RAF1: variants seen among roughly 807,000 people sequenced by gnomAD.
The protein encoded by RAF1 is Raf-1 proto-oncogene, serine/threonine kinase, also known as RAF proto-oncogene serine/threonine-protein kinase.
A neutral mutation model predicts 81.1 loss-of-function variants in RAF1; 27 were observed. That is an observed-to-expected ratio of 0.33 (90% CI 0.25 to 0.46). The LOEUF is 0.46. RAF1 is among the 20% of genes least tolerant of loss of function. The pLI is 1.00. For missense variants in RAF1, 598 were observed against 826.0 expected, an observed-to-expected ratio of 0.72 and a Z score of 3.38; for synonymous variants, 298 against 294.0, an observed-to-expected ratio of 1.01 and a Z score of -0.14.
intron 1 of RAF1, among the ~76,000 whole-genome samples, chr3:12,639,471 C>A (rs2060122582): frequency 6.6e-6 from 1 of 152,078 alleles, no homozygotes; most frequent in South Asian, 2.1e-4. Flanking sequence ...ATTTAGAAAA[C>A]CTCATCGTCT....
intron 1 of RAF1, among the ~76,000 whole-genome samples, chr3:12,647,874 A>G (rs1267381172): frequency 6.6e-6 from 1 of 152,144 alleles, no homozygotes; most frequent in Non-Finnish European, 1.5e-5. Flanking sequence ...AAGCCACTCT[A>G]CTCTTCTAAA....
At chr3:12,609,898 TTA>T (rs2059156942) in intron 3 of RAF1, among the ~76,000 whole-genome samples, 1 of 152,244 alleles carries the variant, frequency 6.6e-6, no homozygotes, top group South Asian at 2.1e-4. Flanking sequence ...GTAAAATGGA[TTA>T]TAAATATTGC....
chr3:12,594,145 A>G (rs2058614139), intron 11 of RAF1, among the ~76,000 whole-genome samples: 1 of 152,164 alleles, frequency 6.6e-6, no homozygotes, highest in Admixed American at 6.5e-5. Context: ...ATCTGCTGCA[A>G]TAGCTCAGGA....
intron 1 of RAF1, among the ~76,000 whole-genome samples, chr3:12,620,236 G>C (rs2059515484): frequency 6.6e-6 from 1 of 152,132 alleles, no homozygotes; most frequent in Non-Finnish European, 1.5e-5. Flanking sequence ...CCAGGTTCAA[G>C]CGATTCTCCT....
intron 8 of RAF1, among the ~76,000 whole-genome samples, chr3:12,601,349 A>G (rs1053011972): frequency 2.6e-5 from 4 of 152,178 alleles, no homozygotes; most frequent in Non-Finnish European, 5.9e-5. Context: ...CTTATGGGTA[A>G]ATTTGGAAAT....
At chr3:12,656,997 C>G (rs1437705302) in intron 1 of RAF1, among the ~76,000 whole-genome samples, 1 of 117,950 alleles carries the variant, frequency 8.5e-6, no homozygotes, top group East Asian at 2.1e-4. Context: ...AACTCCATCT[C>G]GGGGAAAAAA....
In RAF1 at chr3:12,585,260, GTATCACCATATGACAAAAGTGCATT is replaced by G. The variant is rs754692271; in HGVS notation, c.1597-32_1597-8del. ...TTCGGATCACCTCTGGGGCCTACAT[GTATCACCATATGACAAAAGTGCATT>G]TATCACCATATGACAGGCCTCACAG... is the stretch of plus-strand genomic sequence containing the variant. On this transcript the variant is annotated splice_region_variant and splice_polypyrimidine_tract_variant and intron_variant, in intron 15 of 17. Coordinates refer to ENST00000442415, the MANE Select transcript of RAF1 (RefSeq NM_001354689.3). 3 of 1,614,002 alleles carry G rather than the reference GTATCACCATATGACAAAAGTGCATT, an allele frequency of 1.9e-6. No homozygotes were observed. Among genetic ancestry groups the G allele is most frequent in the Non-Finnish European group, 1.7e-6 (2 of 1,180,014 alleles).
At position 12,627,613 on chromosome 3, in the gene RAF1, C is replaced by T. The variant is rs781013893; in HGVS notation, c.-26-8866G>A. 3.0e-4 allele frequency among the ~76,000 whole-genome samples: 46 copies of T among 152,072 alleles called. 1 individual carries two copies. Among genetic ancestry groups the T allele is most frequent in the Admixed American group, 2.0e-3 (30 of 15,272 alleles). On this transcript the variant is annotated intron_variant, in intron 1 of 17. Transcript: ENST00000442415. ...CTTCTCTACAACTATTTTTTCTGGTCGACATTATTTCTGAGGGTGGTAGGT... is the reference window on the plus strand; with the variant it reads ...CTTCTCTACAACTATTTTTTCTGGTTGACATTATTTCTGAGGGTGGTAGGT...
intron 5 of RAF1, 138 bp downstream of exon 5, chr3:12,608,628 T>C (rs1272112429): frequency 2.0e-6 from 2 of 1,012,978 alleles, no homozygotes; most frequent in African/African-American, 3.2e-5. Flanking sequence ...TATCACTGTT[T>C]CTAAAGTAGT....
chr3:12,619,519 C>T (rs953108114), intron 1 of RAF1, among the ~76,000 whole-genome samples: 62 of 148,940 alleles, frequency 4.2e-4, no homozygotes, highest in Admixed American at 1.6e-3. Flanking sequence ...GAGTCGATAT[C>T]GTGTCATTGC....
At chr3:12,627,021 C>CAAAA (rs34692000) in intron 1 of RAF1, among the ~76,000 whole-genome samples, 8 of 77,036 alleles carry the variant, frequency 1.0e-4, no homozygotes, top group Non-Finnish European at 1.4e-4. Flanking sequence ...GACTCTGTCT[C>CAAAA]AAAAAAAAAA....
At chr3:12,640,969 T>C (rs931335884) in intron 1 of RAF1, among the ~76,000 whole-genome samples, 1 of 152,036 alleles carries the variant, frequency 6.6e-6, no homozygotes, top group African/African-American at 2.4e-5. Context: ...AACCCAAATG[T>C]CCATCAATGA....
intron 1 of RAF1, among the ~76,000 whole-genome samples, chr3:12,652,889 C>G (rs1301157075): frequency 6.6e-6 from 1 of 150,518 alleles, no homozygotes; most frequent in Non-Finnish European, 1.5e-5. Context: ...TACAGTGAGC[C>G]AAGATTAAGC....
intron 13 of RAF1, chr3:12,588,388 T>C (rs2058397888): frequency 6.6e-6 from 1 of 152,200 alleles, no homozygotes; most frequent in African/African-American, 2.4e-5. Context: ...CAACTTGTCA[T>C]CATGCACACA....
intron 1 of RAF1, among the ~76,000 whole-genome samples, chr3:12,635,463 C>G (rs1387233687): frequency 6.6e-6 from 1 of 150,664 alleles, no homozygotes; most frequent in East Asian, 1.9e-4. Flanking sequence ...ATGGTGAAAC[C>G]CCACCTCTAC....
At chr3:12,587,509 G>C in intron 14 of RAF1, 82 bp downstream of exon 13, 1 of 1,296,572 alleles carries the variant, frequency 7.7e-7, no homozygotes, top group Non-Finnish European at 1.1e-6. Context: ...GGCACCGAGA[G>C]CCACTTGTGA....
At chr3:12,633,235 C>T (rs2125503395) in intron 1 of RAF1, among the ~76,000 whole-genome samples, 1 of 152,166 alleles carries the variant, frequency 6.6e-6, no homozygotes, top group East Asian at 1.9e-4. Flanking sequence ...TAATCCAGCA[C>T]TTTGGGAGGG....
intron 2 of RAF1, among the ~76,000 whole-genome samples, chr3:12,617,397 A>G (rs148803400): frequency 6.6e-6 from 1 of 152,182 alleles, no homozygotes; most frequent in African/African-American, 2.4e-5. Flanking sequence ...TTACAGGCGT[A>G]AGCCACTGCA....
At chr3:12,598,965 A>G (rs1292581674) in intron 11 of RAF1, 2 of 152,234 alleles carry the variant, frequency 1.3e-5, no homozygotes, top group East Asian at 3.8e-4. Flanking sequence ...TTTTGGGAAC[A>G]TGCAGCATTT....
Sources: gnomAD v4.1 joint callset for allele counts (sites outside exome capture counted in the v4.1 genomes callset) on GRCh38, gnomAD v4.1.1 for gene constraint, MANE v1.5 for transcripts, NCBI Gene and HGNC (gene_info 2026-07-23, HGNC 2026-07-21) for gene names.